HK2: variants seen among roughly 807,000 people sequenced by gnomAD.
The protein encoded by HK2 is hexokinase-2.
A neutral mutation model predicts 92.9 loss-of-function variants in HK2; 42 were observed. The observed-to-expected ratio is 0.45, with a 90% CI of 0.35 to 0.58. The LOEUF is 0.58. Ranked by LOEUF, HK2 falls within the 20% of genes least tolerant of loss-of-function variation. The pLI is 0.00. For missense variants in HK2, 978 were observed against 1,245.1 expected, an observed-to-expected ratio of 0.79 and a Z score of 3.23; for synonymous variants, 422 against 468.0, an observed-to-expected ratio of 0.90 and a Z score of 1.27.
chr2:74,885,072 A>G (rs2104005427), intron 12 of HK2, among the ~76,000 whole-genome samples: 1 of 152,340 alleles, frequency 6.6e-6, no homozygotes, highest in East Asian at 1.9e-4. Flanking sequence ...AACCAAGCAC[A>G]TAGGAAGAAG....
chr2:74,886,906 C>T (rs909123568), intron 15 of HK2, among the ~76,000 whole-genome samples: 1 of 152,218 alleles, frequency 6.6e-6, no homozygotes, highest in Non-Finnish European at 1.5e-5. Flanking sequence ...ATACTAGACC[C>T]TAGGTCTGGC....
At chr2:74,884,125 T>C (rs1321585684) in intron 12 of HK2, among the ~76,000 whole-genome samples, 6 of 152,276 alleles carry the variant, frequency 3.9e-5, no homozygotes, top group Non-Finnish European at 8.8e-5. Flanking sequence ...TTTATTTATA[T>C]ATTTGCCAGG....
intron 1 of HK2, among the ~76,000 whole-genome samples, chr2:74,843,016 G>T (rs1181257612): frequency 6.6e-6 from 1 of 152,178 alleles, no homozygotes; most frequent in African/African-American, 2.4e-5. Flanking sequence ...TGTGGAGTTT[G>T]TCAGTTAAAT....
intron 3 of HK2, chr2:74,868,050 C>A: frequency 2.2e-6 from 1 of 451,598 alleles, no homozygotes; most frequent in Non-Finnish European, 4.1e-6. Context: ...GTTGTCACAT[C>A]TCGGGCCTCA....
Position 74,878,683 on chromosome 2 carries a change from C to T in HK2, c.1032-5C>T. ...AGGCCCACATGCTATCTTTCTGTTT[C>T]CCAGGGAGAAGGATGGCATCCGGAA... On this transcript the variant is annotated splice_region_variant and splice_polypyrimidine_tract_variant and intron_variant, in intron 8 of 17. Coordinates refer to ENST00000290573, the MANE Select transcript of HK2 (RefSeq NM_000189.5). 2.5e-6 allele frequency: 4 copies of T among 1,600,830 alleles called. No homozygotes were observed. Among genetic ancestry groups the T allele is most frequent in the Non-Finnish European group, 2.6e-6 (3 of 1,173,056 alleles).
intron 12 of HK2, among the ~76,000 whole-genome samples, chr2:74,882,914 T>C (rs764679009): frequency 1.3e-5 from 2 of 151,974 alleles, no homozygotes; most frequent in East Asian, 3.9e-4. Context: ...TGCCATATCC[T>C]GTTGTTTGGA....
At position 74,878,579 on chromosome 2, in the gene HK2, C is replaced by T. The variant is rs185569538; in HGVS notation, c.1032-109C>T. The T allele has an allele frequency of 7.1e-4, 608 of 852,600 alleles. 3 individuals carry two copies. In the African/African-American group the frequency reaches 9.0e-3, roughly 13 times the overall value. The allele number at this position is 852,600 out of a possible 1,614,324, so 52.8% of individuals were successfully genotyped here. A position where few individuals can be genotyped will look rare whatever the true frequency, so the allele number is the denominator to read the frequency against. On this transcript the variant is annotated intron_variant, in intron 8 of 17. Transcript: ENST00000290573. ...GCAATGAAGAGGGATTCTGTCCCCA[C>T]TGGGTGGTGAATTTGCTGGAACTAA...
At chr2:74,865,334 T>C (rs1299228007) in intron 2 of HK2, among the ~76,000 whole-genome samples, 2 of 152,126 alleles carry the variant, frequency 1.3e-5, no homozygotes, top group African/African-American at 4.8e-5. Context: ...CCACCCGTTC[T>C]TGGTGGAGCT....
At chr2:74,873,645 T>C (rs1046055871) in intron 5 of HK2, among the ~76,000 whole-genome samples, 199 bp from the exon 6 acceptor site, 8 of 151,926 alleles carry the variant, frequency 5.3e-5, no homozygotes, top group African/African-American at 1.2e-4. Context: ...AGTAAGAAAG[T>C]TGGAATGATG....
chr2:74,872,348 C>T lies in HK2; in HGVS notation c.424C>T (p.Gln142Ter). The change falls in exon 4 of 18, where the codon CAA (glutamine) becomes TAA (stop). Residue 142 changes from glutamine to a stop codon, truncating the protein, a stop_gained. Coordinates refer to ENST00000290573, the MANE Select transcript of HK2 (RefSeq NM_000189.5). LOFTEE classifies it high-confidence loss of function. ...CCTGGCTAACTTCATGGATAAGCTA[C>T]AAATCAAAGACAAGAAGCTCCCACT... ...ECLANFMDKL[Q>*]IKDKKLPLGF... 6.2e-7 allele frequency: 1 copy of T among 1,613,988 alleles called. No individual in the cohort carries two copies. Among genetic ancestry groups the T allele is most frequent in the Non-Finnish European group, 8.5e-7 (1 of 1,179,900 alleles).
intron 2 of HK2, among the ~76,000 whole-genome samples, chr2:74,865,034 G>A (rs1272880305): frequency 1.3e-5 from 2 of 152,168 alleles, no homozygotes; most frequent in Non-Finnish European, 2.9e-5. Flanking sequence ...TCTGGCATGG[G>A]CACGTAACCA....
At chr2:74,839,229 G>C (rs1688245663) in intron 1 of HK2, among the ~76,000 whole-genome samples, 1 of 152,186 alleles carries the variant, frequency 6.6e-6, no homozygotes, top group South Asian at 2.1e-4. Flanking sequence ...CAGTTGTCTA[G>C]AGAGATATGG....
intron 1 of HK2, among the ~76,000 whole-genome samples, chr2:74,843,110 C>T (rs1302856436): frequency 1.3e-5 from 2 of 152,136 alleles, no homozygotes; most frequent in African/African-American, 4.8e-5. Flanking sequence ...TGAAGAGTCA[C>T]AGGACCCGCC....
chr2:74,882,605 T>TTTATATATATA (rs1553449959), intron 12 of HK2, among the ~76,000 whole-genome samples: 3 of 75,660 alleles, frequency 4.0e-5, no homozygotes, highest in Non-Finnish European at 6.1e-5. Context: ...TCTATTGAAC[T>TTTATATATATA]TATATATATA....
At chr2:74,859,576 T>C (rs1199612134) in intron 2 of HK2, among the ~76,000 whole-genome samples, 2 of 151,978 alleles carry the variant, frequency 1.3e-5, no homozygotes, top group South Asian at 2.1e-4. Context: ...GCAGGAAGAA[T>C]GGTGTGAACC....
At chr2:74,883,209 G>A (rs1471842044) in intron 12 of HK2, among the ~76,000 whole-genome samples, 1 of 152,204 alleles carries the variant, frequency 6.6e-6, no homozygotes, top group African/African-American at 2.4e-5. Context: ...GCCACTGCTA[G>A]GTATAAAAGG....
chr2:74,856,820 G>GATGTGTTAT (rs1158793391), intron 2 of HK2, among the ~76,000 whole-genome samples: 3 of 152,220 alleles, frequency 2.0e-5, no homozygotes, highest in African/African-American at 4.8e-5. Context: ...TACTGCACGT[G>GATGTGTTAT]ATGTGTTATA....
At chr2:74,878,990 C>A in intron 9 of HK2, 69 bp downstream of exon 9, 3 of 1,302,866 alleles carry the variant, frequency 2.3e-6, no homozygotes, top group Non-Finnish European at 3.3e-6. Context: ...ACTCCTCATG[C>A]CAGCTCCATT....
intron 1 of HK2, among the ~76,000 whole-genome samples, chr2:74,852,954 C>T (rs949596354): frequency 3.9e-5 from 6 of 152,190 alleles, no homozygotes; most frequent in African/African-American, 1.4e-4. Flanking sequence ...GATTTGGACC[C>T]TAATAAATAT....
Sources: gnomAD v4.1 joint callset for allele counts (sites outside exome capture counted in the v4.1 genomes callset) on GRCh38, gnomAD v4.1.1 for gene constraint, MANE v1.5 for transcripts, NCBI Gene and HGNC (gene_info 2026-07-23, HGNC 2026-07-21) for gene names.